Variants in PDGFD observed in about 807,000 individuals in gnomAD.
PDGFD encodes platelet derived growth factor D.
In PDGFD, 30 loss-of-function variants were observed where a neutral mutation model predicts 44.7. The ratio of observed to expected loss-of-function variants is 0.67; its 90% CI spans 0.50 to 0.91. The LOEUF is 0.91. Ranked by LOEUF, PDGFD falls within the 40% of genes least tolerant of loss-of-function variation. PDGFD has a pLI of 0.00. For synonymous variants in PDGFD, 173 were observed against 168.4 expected (o/e 1.03, Z -0.21); for missense variants, 445 against 457.8 (o/e 0.97, Z 0.25).
chr11:104,126,329 C>T (rs1045149582), intron 1 of PDGFD, among the ~76,000 whole-genome samples: 36 of 152,168 alleles, frequency 2.4e-4, no homozygotes, highest in African/African-American at 8.4e-4. Flanking sequence ...TCCAGTCCAA[C>T]AGGGCTAGGA....
intron 1 of PDGFD, among the ~76,000 whole-genome samples, chr11:104,069,204 G>A (rs1860838577): frequency 6.6e-6 from 1 of 152,134 alleles, no homozygotes; most frequent in Non-Finnish European, 1.5e-5. Flanking sequence ...AAGAGCACAG[G>A]TCAATTATTT....
chr11:103,931,548 C>T (rs1010963322), intron 5 of PDGFD, among the ~76,000 whole-genome samples: 1 of 152,152 alleles, frequency 6.6e-6, no homozygotes, highest in African/African-American at 2.4e-5. Flanking sequence ...AATTAAACTG[C>T]TGCATGTCCT....
intron 3 of PDGFD, among the ~76,000 whole-genome samples, chr11:103,991,184 C>T (rs188484018): frequency 6.6e-6 from 1 of 151,952 alleles, no homozygotes; most frequent in African/African-American, 2.4e-5. Context: ...TGATGCTCAC[C>T]TTTATTTTGC....
chr11:103,975,903 T>A (rs1435440442), intron 3 of PDGFD, among the ~76,000 whole-genome samples: 1 of 152,100 alleles, frequency 6.6e-6, no homozygotes, highest in Non-Finnish European at 1.5e-5. Flanking sequence ...TCTAGCCTTG[T>A]AGTATAGTTT....
intron 1 of PDGFD, among the ~76,000 whole-genome samples, chr11:104,127,519 T>C (rs548567101): frequency 1.1e-4 from 16 of 152,174 alleles, no homozygotes; most frequent in Non-Finnish European, 1.8e-4. Flanking sequence ...ACATCACACA[T>C]GTATTACATT....
chr11:104,036,100 A>T (rs1860227721), intron 1 of PDGFD, among the ~76,000 whole-genome samples: 2 of 152,214 alleles, frequency 1.3e-5, no homozygotes, highest in South Asian at 4.1e-4. Flanking sequence ...AGTACAAAGA[A>T]TACAACTCTA....
In PDGFD at chr11:103,908,264, A is replaced by C. The variant is rs1442187048; in HGVS notation, c.*1430T>G. 2.0e-5 allele frequency: 3 copies of C among 152,102 alleles called. No individual in the cohort carries two copies. The highest frequency in any genetic ancestry group is 7.2e-5 in the African/African-American group (3 of 41,426). 9.4% of individuals were successfully genotyped at this position (152,102 alleles called of 1,614,324 possible). On this transcript the variant is annotated 3_prime_UTR_variant, in exon 7 of 7. Transcript: ENST00000393158. ...TTTGGAGGATGATGAATCATTTCCT[A>C]CTCCTGGAGTTAGTCTCCTTTAAAA...
intron 1 of PDGFD, among the ~76,000 whole-genome samples, chr11:104,065,363 T>C (rs1860774433): frequency 6.6e-6 from 1 of 152,210 alleles, no homozygotes; most frequent in South Asian, 2.1e-4. Flanking sequence ...CTTTAAGTCA[T>C]TCAGCTTCAA....
intron 1 of PDGFD, among the ~76,000 whole-genome samples, chr11:104,118,892 T>C (rs1320309896): frequency 2.1e-5 from 2 of 93,116 alleles, no homozygotes; most frequent in African/African-American, 8.7e-5. Context: ...TATATTATTA[T>C]GTATAATATT....
At chr11:104,131,476 T>C (rs1861918471) in intron 1 of PDGFD, among the ~76,000 whole-genome samples, 1 of 152,022 alleles carries the variant, frequency 6.6e-6, no homozygotes. Flanking sequence ...TTTTATTTGT[T>C]TACTATTTCC....
chr11:104,032,562 G>A lies in PDGFD; in HGVS notation c.125-32307C>T, dbSNP rs150425495. Among the ~76,000 whole-genome samples the A allele has an allele frequency of 6.4e-3, 968 of 151,702 alleles. 15 individuals are homozygous for A. Among genetic ancestry groups the A allele is most frequent in the African/African-American group, 0.022 (922 of 41,366 alleles). On this transcript the variant is annotated intron_variant, in intron 1 of 6. Transcript: ENST00000393158. ...GTATTCTATTTTTTTTCACTAAAAAGACAATTATTTTGCTTAGTACAGCAA... is the reference window on the plus strand; with the variant it reads ...GTATTCTATTTTTTTTCACTAAAAAAACAATTATTTTGCTTAGTACAGCAA...
intron 1 of PDGFD, among the ~76,000 whole-genome samples, chr11:104,087,243 T>C (rs147424476): frequency 6.8e-6 from 1 of 146,842 alleles, no homozygotes; most frequent in South Asian, 2.2e-4. Context: ...TCAACTAGGC[T>C]GAAGTGCAGT....
rs1860380716 is a variant in PDGFD, at chr11:104,042,913, C to T, written c.125-42658G>A. 2.0e-5 allele frequency among the ~76,000 whole-genome samples: 3 copies of T among 152,092 alleles called. 1 individual carries two copies. The South Asian group carries it at 6.2e-4, about 32-fold the overall frequency. ...TCTGCCTTTCAAACTTCTGTCATGT[C>T]TAAGGATTCAATTAGTCTATCAGTC... On this transcript the variant is annotated intron_variant, in intron 1 of 6. Coordinates refer to ENST00000393158, the MANE Select transcript of PDGFD (RefSeq NM_025208.5).
intron 1 of PDGFD, among the ~76,000 whole-genome samples, chr11:104,071,811 T>C (rs1464279793): frequency 6.6e-6 from 1 of 151,778 alleles, no homozygotes; most frequent in African/African-American, 2.4e-5. Context: ...TTTTTTACTT[T>C]GTCCGGTGGT....
At chr11:103,981,647 T>C (rs1009422272) in intron 3 of PDGFD, among the ~76,000 whole-genome samples, 5 of 151,868 alleles carry the variant, frequency 3.3e-5, no homozygotes, top group Non-Finnish European at 5.9e-5. Flanking sequence ...TGAGTGTTTC[T>C]GATTCATATA....
intron 1 of PDGFD, among the ~76,000 whole-genome samples, chr11:104,134,752 T>C (rs1242552616): frequency 4.6e-5 from 7 of 152,218 alleles, no homozygotes; most frequent in African/African-American, 1.7e-4. Context: ...CAGGAGGGGC[T>C]GAAGCCTACA....
At chr11:104,145,868 A>G (rs991858607) in intron 1 of PDGFD, among the ~76,000 whole-genome samples, 4 of 152,182 alleles carry the variant, frequency 2.6e-5, no homozygotes, top group African/African-American at 9.7e-5. Context: ...AAGAAGATGA[A>G]GATATACCAG....
At chr11:104,022,510 A>AC (rs1312854206) in intron 1 of PDGFD, among the ~76,000 whole-genome samples, 6 of 151,950 alleles carry the variant, frequency 3.9e-5, no homozygotes, top group African/African-American at 1.2e-4. Flanking sequence ...AATAGATTTT[A>AC]CCCCCCTCCA....
chr11:103,935,603 T>C (rs12284765), intron 5 of PDGFD, among the ~76,000 whole-genome samples: 6,083 of 152,210 alleles, frequency 0.04, 398 homozygotes, highest in African/African-American at 0.14. Flanking sequence ...ATACAGATAA[T>C]TAAATAAGAC....
Sources: allele counts gnomAD v4.1 joint callset (sites outside exome capture counted in the v4.1 genomes callset), GRCh38; gene constraint gnomAD v4.1.1; transcripts MANE v1.5; gene names NCBI Gene and HGNC (gene_info 2026-07-23, HGNC 2026-07-21).